Variants in CACNA1E observed in about 807,000 individuals in gnomAD.
The protein encoded by CACNA1E is voltage-dependent R-type calcium channel subunit alpha-1E.
A neutral mutation model predicts 259.2 loss-of-function variants in CACNA1E; 40 were observed. The ratio of observed to expected loss-of-function variants is 0.15; its 90% CI spans 0.12 to 0.20. CACNA1E has a LOEUF of 0.20. Ranked by LOEUF, CACNA1E falls within the 10% of genes least tolerant of loss-of-function variation. The pLI is 1.00. For synonymous variants in CACNA1E, 1,104 were observed against 1,138.5 expected (o/e 0.97, Z 0.61); for missense variants, 1,874 against 3,040.1 (o/e 0.62, Z 9.02).
At chr1:181,415,600 G>A (rs972776472) in intron 2 of CACNA1E, among the ~76,000 whole-genome samples, 1 of 152,156 alleles carries the variant, frequency 6.6e-6, no homozygotes, top group African/African-American at 2.4e-5. Flanking sequence ...GTTGCTGAGA[G>A]GTCAAATAAA....
intron 2 of CACNA1E, among the ~76,000 whole-genome samples, chr1:181,471,500 T>G (rs1027648508): frequency 4.6e-5 from 7 of 152,240 alleles, no homozygotes; most frequent in Non-Finnish European, 1.0e-4. Flanking sequence ...TCCACAGATG[T>G]TGGTTACTGT....
intron 1 of CACNA1E, among the ~76,000 whole-genome samples, chr1:181,372,809 A>AATATATAT (rs147359778): frequency 7.7e-5 from 11 of 143,642 alleles, no homozygotes; most frequent in South Asian, 2.2e-4. Context: ...AGGGATGTTG[A>AATATATAT]ATATATATAT....
intron 2 of CACNA1E, among the ~76,000 whole-genome samples, chr1:181,474,586 T>G (rs1662723262): frequency 6.6e-6 from 1 of 152,268 alleles, no homozygotes; most frequent in African/African-American, 2.4e-5. Context: ...GTGTGTCATT[T>G]TCATATGTAA....
chr1:181,434,900 A>G (rs1252937013), intron 2 of CACNA1E, among the ~76,000 whole-genome samples: 1 of 152,224 alleles, frequency 6.6e-6, no homozygotes, highest in African/African-American at 2.4e-5. Flanking sequence ...GGAGCTTCTG[A>G]GAGCCTCTTG....
chr1:181,388,464 AGCC>A (rs1656015581), intron 1 of CACNA1E, among the ~76,000 whole-genome samples: 1 of 152,204 alleles, frequency 6.6e-6, no homozygotes, highest in Middle Eastern at 3.2e-3. Context: ...TATATGGTAT[AGCC>A]TATCGCTCCT....
At chr1:181,646,869 C>G (rs763527291) in intron 6 of CACNA1E, among the ~76,000 whole-genome samples, 1 of 152,242 alleles carries the variant, frequency 6.6e-6, no homozygotes, top group African/African-American at 2.4e-5. Flanking sequence ...CAGTCAGGTT[C>G]CCAAAGGAAC....
intron 7 of CACNA1E, among the ~76,000 whole-genome samples, chr1:181,703,583 A>G (rs1017525777): frequency 1.3e-5 from 2 of 152,230 alleles, no homozygotes; most frequent in Non-Finnish European, 2.9e-5. Flanking sequence ...ACTCAAACAA[A>G]TAAATGAGAT....
chr1:181,463,743 C>T (rs755677831), intron 2 of CACNA1E, among the ~76,000 whole-genome samples: 1 of 152,096 alleles, frequency 6.6e-6, no homozygotes, highest in Non-Finnish European at 1.5e-5. Flanking sequence ...TTCTCCCCCA[C>T]ATGACTTGTC....
intron 7 of CACNA1E, among the ~76,000 whole-genome samples, chr1:181,689,541 T>G (rs1650927769): frequency 6.6e-6 from 1 of 152,194 alleles, no homozygotes; most frequent in Non-Finnish European, 1.5e-5. Flanking sequence ...TCTAGATCCT[T>G]GAGGAATTGC....
At chr1:181,749,055 G>A (rs1355934868) in intron 25 of CACNA1E, among the ~76,000 whole-genome samples, 1 of 152,204 alleles carries the variant, frequency 6.6e-6, no homozygotes, top group Non-Finnish European at 1.5e-5. Context: ...TAATTCCCAA[G>A]TCATGATTCA....
At chr1:181,546,350 A>T (rs1232816205) in intron 3 of CACNA1E, among the ~76,000 whole-genome samples, 5 of 152,092 alleles carry the variant, frequency 3.3e-5, no homozygotes, top group Admixed American at 1.3e-4. Context: ...TTATGGAGTG[A>T]TGAGAAGGAA....
Position 181,738,438 on chromosome 1 carries a change from T to C in CACNA1E, c.3612+12T>C, listed in dbSNP as rs887693902. ...AGATGGTTATAAAGGTAAAAACTTC[T>C]AGAGAAAACCTGGGCTCTTGGGTTT... On this transcript the variant is annotated intron_variant, in intron 24 of 47. Coordinates refer to ENST00000367573, the MANE Select transcript of CACNA1E (RefSeq NM_001205293.3). The C allele has an allele frequency of 8.7e-6, 14 of 1,611,180 alleles. No homozygotes were observed. The highest frequency in any genetic ancestry group is 5.0e-5 in the Admixed American group (3 of 59,998).
At position 181,799,623 on chromosome 1, in the gene CACNA1E, A is replaced by G. The variant is rs1284641728; in HGVS notation, c.*789A>G. 2 of 152,716 alleles carry G rather than the reference A, an allele frequency of 1.3e-5. No individual in the cohort carries two copies. The highest frequency in any genetic ancestry group is 2.9e-5 in the Non-Finnish European group (2 of 68,152). The allele number at this position is 152,716 out of a possible 1,614,324, so 9.5% of individuals were successfully genotyped here. A position where few individuals can be genotyped will look rare whatever the true frequency, so the allele number is the denominator to read the frequency against. ...GTCAGGAAGTCCCCCAGGGTCCACA[A>G]AGGTGCCTGAGGCTCTGGTAAGGGT... On this transcript the variant is annotated 3_prime_UTR_variant, in exon 48 of 48. Coordinates refer to ENST00000367573, the MANE Select transcript of CACNA1E (RefSeq NM_001205293.3).
Position 181,758,027 on chromosome 1 carries a change from C to T in CACNA1E, c.4410C>T (p.Arg1470=), listed in dbSNP as rs543492567. 49 of 1,613,796 alleles carry T rather than the reference C, an allele frequency of 3.0e-5. No homozygotes were observed. The highest frequency in any genetic ancestry group is 3.6e-5 in the Non-Finnish European group (43 of 1,179,844). The change falls in exon 31 of 48, where the codon CGC becomes CGT. Residue 1470 remains arginine (R), a synonymous_variant. Transcript: ENST00000367573. This position sits in a 1 kb window ranked among gnomAD's most constrained non-coding sequence, Gnocchi z 4.2. ...AGAACAGACACACCTTCCAGTACCG[C>T]GTGTGGCACTTTGTGGTGTCTCCGT... ...MPQNRHTFQY[R]VWHFVVSPSF... is the part of the protein sequence containing the mutation.
At chr1:181,740,870 G>A (rs1174746752) in intron 25 of CACNA1E, among the ~76,000 whole-genome samples, 1 of 152,170 alleles carries the variant, frequency 6.6e-6, no homozygotes, top group East Asian at 1.9e-4. Context: ...TCTGGGCCCT[G>A]TCTGGATTCT....
intron 7 of CACNA1E, among the ~76,000 whole-genome samples, chr1:181,676,328 C>T (rs748526859): frequency 6.6e-6 from 1 of 152,110 alleles, no homozygotes; most frequent in Non-Finnish European, 1.5e-5. Flanking sequence ...TGGTTCAAGT[C>T]GTGTTCATGT....
Position 181,732,788 on chromosome 1 carries a change from G to A in CACNA1E, c.2702G>A (p.Gly901Glu), listed in dbSNP as rs868416223. The A allele has an allele frequency of 6.3e-7, 1 of 1,595,944 alleles. No individual in the cohort carries two copies. The highest frequency in any genetic ancestry group is 1.1e-5 in the South Asian group (1 of 87,518). ...NCDPTQQEAG[G>E]GEAVVTFEDR... ...GACCCGACTCAGCAGGAGGCAGGGG[G>A]AGGAGAGGCTGTGGTGACCTTTGAG... Residue 901 changes from glycine to glutamate, a missense_variant, in exon 20 of 48, where the codon GGA becomes GAA. Coordinates refer to ENST00000367573, the MANE Select transcript of CACNA1E (RefSeq NM_001205293.3). The surrounding 1 kb of genome is among the most constrained non-coding windows in gnomAD (Gnocchi z 5.5).
At chr1:181,680,815 T>C (rs893369459) in intron 7 of CACNA1E, among the ~76,000 whole-genome samples, 1 of 152,164 alleles carries the variant, frequency 6.6e-6, no homozygotes, top group Non-Finnish European at 1.5e-5. Context: ...TTCTCATTTC[T>C]CACTTCCTAT....
At chr1:181,624,873 C>A (rs543037211) in intron 6 of CACNA1E, among the ~76,000 whole-genome samples, 6 of 152,202 alleles carry the variant, frequency 3.9e-5, no homozygotes, top group Admixed American at 3.3e-4. Context: ...GCAGCTATAG[C>A]CTTATGAAGT....
Sources: allele counts gnomAD v4.1 joint callset (sites outside exome capture counted in the v4.1 genomes callset), GRCh38; gene constraint gnomAD v4.1.1; non-coding constraint Gnocchi (gnomAD v3.1); transcripts MANE v1.5; gene names NCBI Gene and HGNC (gene_info 2026-07-23, HGNC 2026-07-21).